Variants in SRCAP observed in about 807,000 individuals in gnomAD.
SRCAP encodes Snf2 related CREBBP activator protein, also known as chromatin remodeling protein SRCAP.
Under a neutral mutation model 263.1 loss-of-function variants are expected in SRCAP, and 46 were observed. That is an observed-to-expected ratio of 0.17 (90% CI 0.14 to 0.22). The LOEUF (loss-of-function observed/expected upper bound fraction) is 0.22. Among genes scored for constraint, SRCAP ranks in the 10% least tolerant of loss-of-function variants. The pLI is 1.00. For missense variants in SRCAP, 3,695 were observed against 4,181.9 expected (o/e 0.88, Z 3.21); for synonymous variants, 1,813 against 1,662.1 (o/e 1.09, Z -2.21).
intron 8 of SRCAP, 47 bp downstream of exon 8, chr16:30,710,175 G>T (rs754579719): frequency 1.3e-6 from 2 of 1,582,316 alleles, no homozygotes. Context: ...GGAACAGAGG[G>T]AGAGGTTCAG....
Position 30,723,643 on chromosome 16 carries a change from C to G in SRCAP, c.4219C>G (p.Leu1407Val), listed in dbSNP as rs1466562402. 3.1e-6 allele frequency: 5 copies of G among 1,613,628 alleles called. No individual in the cohort carries two copies. The South Asian group carries it at 4.4e-5, about 14-fold the overall frequency. ...TTCTCCTCTCCACGTGCCATCCTCC[C>G]TCCCTGGGCCAGCCTCTTCTCCAAT... ...ISSPLHVPSS[L>V]PGPASSPMPI... is the part of the protein sequence containing the mutation. The change falls in exon 25 of 34, where the codon CTC becomes GTC. Residue 1407 changes from leucine to valine, a missense_variant. Transcript: ENST00000262518.
intron 27 of SRCAP, among the ~76,000 whole-genome samples, chr16:30,730,612 A>G (rs1008186687): frequency 6.6e-6 from 1 of 151,062 alleles, no homozygotes; most frequent in South Asian, 2.1e-4. Context: ...TTGTATTTTT[A>G]GTAGACACGG....
At chr16:30,703,489 C>A (rs559839115) in intron 3 of SRCAP, among the ~76,000 whole-genome samples, 1 of 151,580 alleles carries the variant, frequency 6.6e-6, no homozygotes, top group East Asian at 2.0e-4. Context: ...CCACCACCCC[C>A]GGCCTATATA....
intron 3 of SRCAP, 137 bp from the exon 4 acceptor site, chr16:30,703,927 C>T (rs556039877): frequency 7.5e-6 from 8 of 1,068,538 alleles, no homozygotes; most frequent in South Asian, 5.6e-5. Flanking sequence ...TTATCCCGAA[C>T]GTTTGTGTTT....
rs1452240541 is a variant in SRCAP at position 30,736,309 on chromosome 16, G to C, written c.6839G>C (p.Gly2280Ala). Residue 2280 changes from glycine (G) to alanine (A), a missense_variant, in exon 32 of 34, where the codon GGT becomes GCT. Gly to Ala is a moderately conservative substitution (Grantham distance 60). This residue lies in a region of SRCAP where 91 missense variants were observed against 150.6 expected (regional missense o/e 0.60). Coordinates refer to ENST00000262518, the MANE Select transcript of SRCAP (RefSeq NM_006662.3). ...EFNENDGFPA[G>A]EGEEAGRPGA... Reference sequence around the variant, plus strand: ...AATGAGAACGATGGGTTTCCTGCTGGTGAGGGAGAGGAAGCTGGCCGGCCT... The same window carrying C: ...AATGAGAACGATGGGTTTCCTGCTGCTGAGGGAGAGGAAGCTGGCCGGCCT... The C allele has an allele frequency of 5.0e-6, 8 of 1,614,188 alleles. No individual in the cohort carries two copies. The highest frequency in any genetic ancestry group is 6.8e-6 in the Non-Finnish European group (8 of 1,180,028).
At position 30,713,730 on chromosome 16, in the gene SRCAP, T is replaced by C. The variant is rs745994798; in HGVS notation, c.2493+19T>C. On this transcript the variant is annotated intron_variant, in intron 16 of 33. Transcript: ENST00000262518. ...CCACAAGGTAGGGCCTGCAACAGTT[T>C]GTCAGGGTATTGGGAATGGTAAGGA... The C allele has an allele frequency of 1.2e-6, 2 of 1,611,336 alleles. No individual in the cohort carries two copies. The highest frequency in any genetic ancestry group is 2.7e-5 in the African/African-American group (2 of 74,814).
intron 8 of SRCAP, 80 bp downstream of exon 8, chr16:30,710,208 G>A (rs890304356): frequency 1.4e-6 from 2 of 1,471,098 alleles, no homozygotes; most frequent in East Asian, 4.7e-5. Context: ...GGGCTGTGAG[G>A]TTGGTTATGA....
chr16:30,733,771 G>A lies in SRCAP; in HGVS notation c.6467G>A (p.Gly2156Asp). Residue 2156 changes from glycine (G) to aspartate (D), a missense_variant, in exon 29 of 34, where the codon GGC becomes GAC. Physicochemically the swap from Gly to Asp is moderately conservative, Grantham distance 94 (BLOSUM62 -1). This residue lies in a region of SRCAP where 138 missense variants were observed against 254.9 expected (regional missense o/e 0.54). Transcript: ENST00000262518. This position sits in a 1 kb window ranked among gnomAD's most constrained non-coding sequence, Gnocchi z 5.3. ...AQAQDRCHRI[G>D]QTRDVHIYRL... ...GCCCAGGACCGCTGTCACCGAATTG[G>A]CCAGACCCGGGATGTCCACATATAT... 1 of 1,613,950 alleles carries A rather than the reference G, an allele frequency of 6.2e-7. No individual in the cohort carries two copies. The highest frequency in any genetic ancestry group is 8.5e-7 in the Non-Finnish European group (1 of 1,179,928).
chr16:30,732,187 C>G (rs796213621), intron 27 of SRCAP, among the ~76,000 whole-genome samples: 14 of 151,816 alleles, frequency 9.2e-5, no homozygotes, highest in African/African-American at 3.4e-4. Context: ...CACGGTGGCT[C>G]ACGCCTGTAA....
rs2151296435 is a variant in SRCAP, at chr16:30,729,142, C to T, written c.5835C>T (p.His1945=). The T allele has an allele frequency of 6.2e-7, 1 of 1,614,190 alleles. No homozygotes were observed. The highest frequency in any genetic ancestry group is 2.2e-5 in the East Asian group (1 of 44,872). ...GCCCTCGTTCTCCTGGCCCCAGCCA[C>T]CCCACCTTTTGGACTTATACCGAGG... The part of the protein sequence containing the change: ...PIGPRSPGPS[H]PTFWTYTEAA... The change falls in exon 26 of 34, where the codon CAC becomes CAT. Residue 1945 remains histidine, a synonymous_variant. Coordinates refer to ENST00000262518, the MANE Select transcript of SRCAP (RefSeq NM_006662.3).
In SRCAP at chr16:30,738,558, A is replaced by T. The variant is rs765874179; in HGVS notation, c.8518A>T (p.Ser2840Cys). ...TGAGCTGGGGGTGACTGGTGGTGGCAGCCCCGAGAATGGAGACGGAGCACT... is the reference window on the plus strand; with the variant it reads ...TGAGCTGGGGGTGACTGGTGGTGGCTGCCCCGAGAATGGAGACGGAGCACT... ...HIELGVTGGG[S>C]PENGDGALLA... Residue 2840 changes from serine to cysteine, a missense_variant, in exon 34 of 34, where the codon AGC becomes TGC. Around this residue, in one of 12 missense-constraint regions of SRCAP, gnomAD observed 1,207 missense variants for 1,142.9 expected, o/e 1.06. Transcript: ENST00000262518. 1.2e-4 allele frequency: 194 copies of T among 1,611,028 alleles called. No individual in the cohort carries two copies. Among genetic ancestry groups the T allele is most frequent in the Non-Finnish European group, 1.6e-4 (191 of 1,178,482 alleles).
chr16:30,714,558 G>A (rs1182697305), intron 16 of SRCAP, among the ~76,000 whole-genome samples: 2 of 143,624 alleles, frequency 1.4e-5, no homozygotes, highest in Admixed American at 7.1e-5. Context: ...CTGGAGTGCA[G>A]TGGCGTGATC....
chr16:30,737,316 C>G lies in SRCAP; in HGVS notation c.7276C>G (p.Pro2426Ala). The G allele has an allele frequency of 6.2e-7, 1 of 1,614,118 alleles. No homozygotes were observed. Among genetic ancestry groups the G allele is most frequent in the Non-Finnish European group, 8.5e-7 (1 of 1,180,026 alleles). Residue 2426 changes from proline (P) to alanine (A), a missense_variant, in exon 34 of 34, where the codon CCA becomes GCA. Pro to Ala is a conservative substitution (Grantham distance 27). This residue lies in a region of SRCAP where 1,207 missense variants were observed against 1,142.9 expected (regional missense o/e 1.06). Transcript: ENST00000262518. ...SAHQTRSTTT[P>A]PRCSPARERV... is the part of the protein sequence containing the mutation. ...CCATCAAACTCGCAGCACCACCACA[C>G]CACCCCGCTGCAGTCCTGCCAGGGA...
chr16:30,718,153 G>A (rs1442654866), intron 18 of SRCAP, among the ~76,000 whole-genome samples: 4 of 151,972 alleles, frequency 2.6e-5, no homozygotes, highest in East Asian at 1.9e-4. Context: ...GATTATAGGC[G>A]TGAGCTACCA....
At position 30,739,623 on chromosome 16, in the gene SRCAP, C is replaced by T. The variant is rs774274306; in HGVS notation, c.9583C>T (p.Arg3195Trp). ...GTPRRRPGPR[R>W]LVGTTNQGDQ... ...CCCACGCCGACGTCCTGGCCCCCGC[C>T]GGCTTGTTGGGACCACCAACCAAGG... is the stretch of plus-strand genomic sequence containing the variant. Residue 3195 changes from arginine (R) to tryptophan (W), a missense_variant, in exon 34 of 34, where the codon CGG becomes TGG. Around this residue, in one of 12 missense-constraint regions of SRCAP, gnomAD observed 1,207 missense variants for 1,142.9 expected, o/e 1.06. Transcript: ENST00000262518. 4.4e-6 allele frequency: 7 copies of T among 1,591,116 alleles called. No homozygotes were observed. The highest frequency in any genetic ancestry group is 2.3e-5 in the East Asian group (1 of 43,360).
At chr16:30,736,684 CT>C (rs904896452) in intron 33 of SRCAP, 60 bp downstream of exon 33, 32 of 1,568,002 alleles carry the variant, frequency 2.0e-5, no homozygotes, top group Non-Finnish European at 2.4e-5. Context: ...TTTCTTTTCT[CT>C]TTTTTTTGAG....
At chr16:30,706,563 A>G (rs145081456) in intron 4 of SRCAP, among the ~76,000 whole-genome samples, 251 of 152,338 alleles carry the variant, frequency 1.6e-3, no homozygotes, top group Middle Eastern at 3.4e-3. Flanking sequence ...AGTAAAAATG[A>G]CCACTCTTTT....
intron 16 of SRCAP, among the ~76,000 whole-genome samples, chr16:30,715,341 G>A (rs562145787): frequency 1.3e-5 from 2 of 152,194 alleles, no homozygotes; most frequent in East Asian, 1.9e-4. Context: ...TGAGGCAGGC[G>A]GATCACGAGG....
chr16:30,723,538 G>T (rs752849061), intron 24 of SRCAP, 46 bp from the exon 25 acceptor site: 8 of 1,573,498 alleles, frequency 5.1e-6, no homozygotes, highest in South Asian at 1.2e-5. Flanking sequence ...GAGTAGAAAG[G>T]CTCAGGAAAA....
Sources: allele counts gnomAD v4.1 joint callset (sites outside exome capture counted in the v4.1 genomes callset), GRCh38; gene constraint gnomAD v4.1.1; regional missense constraint gnomAD v4.1.1; non-coding constraint Gnocchi (gnomAD v3.1); transcripts MANE v1.5; gene names NCBI Gene and HGNC (gene_info 2026-07-23, HGNC 2026-07-21).